The following RYR2 variants were observed in gnomAD, a reference collection of about 807,000 sequenced individuals.
RYR2 encodes ryanodine receptor 2, also known as cardiac muscle ryanodine receptor-calcium release channel.
A neutral mutation model predicts 601.1 loss-of-function variants in RYR2; 227 were observed. The ratio of observed to expected loss-of-function variants is 0.38; its 90% CI spans 0.34 to 0.42. The LOEUF is 0.42. Among genes scored for constraint, RYR2 ranks in the 10% least tolerant of loss-of-function variants. The pLI is 1.00. For missense variants in RYR2, 4,646 were observed against 6,156.5 expected (o/e 0.75, Z 8.21); for synonymous variants, 2,223 against 2,175.1 (o/e 1.02, Z -0.61).
chr1:237,651,528 T>C, intron 51 of RYR2, 27 bp downstream of exon 51: 1 of 1,355,984 alleles, frequency 7.4e-7, no homozygotes, highest in Non-Finnish European at 1.0e-6. Flanking sequence ...TTTGTAGATA[T>C]TTGATTACTG....
chr1:237,660,575 G>T (rs1683685984), intron 55 of RYR2, among the ~76,000 whole-genome samples: 1 of 152,030 alleles, frequency 6.6e-6, no homozygotes, highest in Non-Finnish European at 1.5e-5. Context: ...AAAGGAAATT[G>T]ACCTTGGTGC....
At chr1:237,481,954 C>T (rs189039954) in intron 17 of RYR2, among the ~76,000 whole-genome samples, 1 of 151,478 alleles carries the variant, frequency 6.6e-6, no homozygotes, top group Non-Finnish European at 1.5e-5. Flanking sequence ...ATGTTGGTTT[C>T]GTAAGAAGAC....
chr1:237,729,630 A>G (rs1690506304), intron 76 of RYR2, among the ~76,000 whole-genome samples: 1 of 152,094 alleles, frequency 6.6e-6, no homozygotes, highest in Admixed American at 6.6e-5. Context: ...TCTTACCTTG[A>G]CATCTTATCC....
chr1:237,635,031 T>G, intron 44 of RYR2, 39 bp downstream of exon 44: 1 of 1,372,932 alleles, frequency 7.3e-7, no homozygotes, highest in Non-Finnish European at 9.8e-7. Context: ...GTCTGAATTA[T>G]GCTTTTTCAC....
intron 35 of RYR2, among the ~76,000 whole-genome samples, chr1:237,603,288 C>A (rs576027016): frequency 7.9e-5 from 12 of 152,248 alleles, no homozygotes; most frequent in African/African-American, 2.4e-4. Flanking sequence ...TAGTCTGGCA[C>A]GGTGAAGAGC....
intron 3 of RYR2, among the ~76,000 whole-genome samples, chr1:237,351,854 C>G (rs376341774): frequency 2.4e-5 from 1 of 40,930 alleles, no homozygotes; most frequent in African/African-American, 8.7e-5. Flanking sequence ...AAAGACCATG[C>G]AAAAAAAAAA....
At chr1:237,573,821 A>G (rs1436277675) in intron 29 of RYR2, among the ~76,000 whole-genome samples, 1 of 151,654 alleles carries the variant, frequency 6.6e-6, no homozygotes, top group African/African-American at 2.4e-5. Context: ...CTGAAAAAAA[A>G]TGAAAATAAA....
rs1393069119 is a variant in RYR2 at position 237,781,595 on chromosome 1, T to C, written c.11911T>C (p.Leu3971=). Residue 3971 remains leucine (L), a synonymous_variant, in exon 89 of 105, where the codon TTA becomes CTA. Coordinates refer to ENST00000366574, the MANE Select transcript of RYR2 (RefSeq NM_001035.3). The part of the protein sequence containing the change: ...DSSQIELLKE[L]MDLQKDMVVM... ...CAGTCAAATTGAGCTATTAAAAGAA[T>C]TAATGGATCTGCAGAAGGATATGGT... is the stretch of plus-strand genomic sequence containing the variant. 3.1e-6 allele frequency: 5 copies of C among 1,592,186 alleles called. No homozygotes were observed. The highest frequency in any genetic ancestry group is 2.2e-5 in the East Asian group (1 of 44,470).
chr1:237,760,977 G>T lies in RYR2; in HGVS notation c.11425G>T (p.Glu3809Ter). Residue 3809 changes from glutamate (E) to a stop codon, truncating the protein, a stop_gained, in exon 84 of 105, where the codon GAG (glutamate) becomes TAG (stop). Coordinates refer to ENST00000366574, the MANE Select transcript of RYR2 (RefSeq NM_001035.3). LOFTEE classifies it high-confidence loss of function. ...TAGTGTCCTTGACCTAAATGCATTT[G>T]AGCGACAAAACAAAGCTGAAGGTCT... ...SCSVLDLNAF[E>*]RQNKAEGLGM... 1 of 1,575,394 alleles carries T rather than the reference G, an allele frequency of 6.3e-7. No individual in the cohort carries two copies. Among genetic ancestry groups the T allele is most frequent in the South Asian group, 1.2e-5 (1 of 85,632 alleles).
intron 102 of RYR2, among the ~76,000 whole-genome samples, chr1:237,828,760 CT>C (rs1330105395): frequency 6.6e-6 from 1 of 152,022 alleles, no homozygotes; most frequent in Non-Finnish European, 1.5e-5. Context: ...GTGGTGAGTC[CT>C]TTATGGGAGT....
At chr1:237,658,202 A>G (rs1683435146) in intron 54 of RYR2, among the ~76,000 whole-genome samples, 180 bp downstream of exon 54, 1 of 152,144 alleles carries the variant, frequency 6.6e-6, no homozygotes, top group Admixed American at 6.5e-5. Context: ...TATCATTAAC[A>G]CAAATATGAT....
intron 98 of RYR2, among the ~76,000 whole-genome samples, chr1:237,802,908 G>C (rs1378944775): frequency 6.6e-6 from 1 of 152,160 alleles, no homozygotes; most frequent in African/African-American, 2.4e-5. Flanking sequence ...GATAGATCCA[G>C]GATGGAGTCT....
chr1:237,577,535 T>TGC (rs1203493419), intron 29 of RYR2, among the ~76,000 whole-genome samples: 3 of 74,898 alleles, frequency 4.0e-5, no homozygotes, highest in Admixed American at 1.5e-4. Context: ...TGTGTGTGTG[T>TGC]GCGTGTGTGT....
intron 1 of RYR2, among the ~76,000 whole-genome samples, chr1:237,259,546 A>G (rs80103885): frequency 5.4e-4 from 78 of 143,826 alleles, no homozygotes; most frequent in South Asian, 2.7e-3. Flanking sequence ...AAAAAAAAAA[A>G]AGAGAGACTA....
At chr1:237,692,286 C>G (rs1687010259) in intron 63 of RYR2, among the ~76,000 whole-genome samples, 1 of 152,184 alleles carries the variant, frequency 6.6e-6, no homozygotes, top group Non-Finnish European at 1.5e-5. Flanking sequence ...ATTTCTCTTT[C>G]CACTCCGGAA....
At chr1:237,660,774 T>A in intron 55 of RYR2, 36 bp from the exon 56 acceptor site, 1 of 1,515,204 alleles carries the variant, frequency 6.6e-7, no homozygotes, top group South Asian at 1.3e-5. Context: ...TTTACATTCA[T>A]AATATATCTG....
chr1:237,194,129 T>C (rs912947261), intron 1 of RYR2, among the ~76,000 whole-genome samples: 4 of 152,234 alleles, frequency 2.6e-5, no homozygotes, highest in African/African-American at 4.8e-5. Flanking sequence ...ATTTCATTTC[T>C]TCTTTTCTTG....
At chr1:237,294,773 G>GC (rs1469599697) in intron 2 of RYR2, among the ~76,000 whole-genome samples, 2 of 152,108 alleles carry the variant, frequency 1.3e-5, no homozygotes, top group Admixed American at 6.6e-5. Flanking sequence ...CAACCCCCTG[G>GC]CCCACAGGTA....
At chr1:237,695,569 C>G (rs377559120) in intron 63 of RYR2, among the ~76,000 whole-genome samples, 4 of 152,274 alleles carry the variant, frequency 2.6e-5, no homozygotes, top group African/African-American at 7.2e-5. Flanking sequence ...TATCATCTTA[C>G]AAAACTCTGC....
Sources: gnomAD v4.1 joint callset for allele counts (sites outside exome capture counted in the v4.1 genomes callset) on GRCh38, gnomAD v4.1.1 for gene constraint, MANE v1.5 for transcripts, NCBI Gene and HGNC (gene_info 2026-07-23, HGNC 2026-07-21) for gene names.